Variants in SPRY4 observed in about 807,000 individuals in gnomAD.
The protein encoded by SPRY4 is sprouty RTK signaling antagonist 4.
A neutral mutation model predicts 17.0 loss-of-function variants in SPRY4; 7 were observed. The ratio of observed to expected loss-of-function variants is 0.41; its 90% CI spans 0.23 to 0.77. The LOEUF is 0.77. Among genes scored for constraint, SPRY4 ranks in the 30% least tolerant of loss-of-function variants. SPRY4 has a pLI of 0.32. For missense variants in SPRY4, 435 were observed against 419.9 expected, an observed-to-expected ratio of 1.04 and a Z score of -0.31; for synonymous variants, 183 against 174.1, an observed-to-expected ratio of 1.05 and a Z score of -0.40.
chr5:142,320,418 A>T (rs1433711951), intron 1 of SPRY4, among the ~76,000 whole-genome samples: 1 of 151,650 alleles, frequency 6.6e-6, no homozygotes, highest in Non-Finnish European at 1.5e-5. Flanking sequence ...GTTGTTTTTC[A>T]TCACTTCATC....
rs965391582 is a variant in SPRY4, at chr5:142,313,013, C to T, written c.*1196G>A. ...TTACATTAAAGATACAGACACATCACTATACACAAAAGGCTATGACAGTGA... is the reference window on the plus strand; with the variant it reads ...TTACATTAAAGATACAGACACATCATTATACACAAAAGGCTATGACAGTGA... On this transcript the variant is annotated 3_prime_UTR_variant, in exon 2 of 2. Transcript: ENST00000434127. 6.6e-6 allele frequency: 1 copy of T among 152,586 alleles called. No homozygotes were observed. Among genetic ancestry groups the T allele is most frequent in the African/African-American group, 2.4e-5 (1 of 41,428 alleles). The allele number at this position is 152,586 out of a possible 1,614,324, so 9.5% of individuals were successfully genotyped here.
intron 1 of SPRY4, chr5:142,319,669 G>T: frequency 1.3e-6 from 2 of 1,556,424 alleles, no homozygotes; most frequent in Non-Finnish European, 1.7e-6. Flanking sequence ...CCCAGAACAC[G>T]CGCAACACTG....
chr5:142,321,893 C>T (rs1759353889), intron 1 of SPRY4, among the ~76,000 whole-genome samples: 2 of 152,212 alleles, frequency 1.3e-5, no homozygotes, highest in Admixed American at 6.5e-5. Flanking sequence ...ACAAGACATT[C>T]AGCCCTGTAA....
chr5:142,317,387 C>T (rs1001870858), intron 1 of SPRY4: 22 of 985,254 alleles, frequency 2.2e-5, no homozygotes, highest in Admixed American at 1.2e-4. Flanking sequence ...AAAAATGCCA[C>T]GGATAAGATT....
At chr5:142,315,390 C>CATAT (rs1678009335) in intron 1 of SPRY4, 1 of 481,064 alleles carries the variant, frequency 2.1e-6, no homozygotes. Context: ...TCCTAAGCAC[C>CATAT]ATATGCATTA....
chr5:142,320,164 T>C (rs1017984650), intron 1 of SPRY4, among the ~76,000 whole-genome samples: 14 of 152,280 alleles, frequency 9.2e-5, no homozygotes, highest in African/African-American at 3.4e-4. Flanking sequence ...TAATGACTTA[T>C]TGCTTTAAAA....
intron 1 of SPRY4, chr5:142,319,681 A>C: frequency 6.3e-7 from 1 of 1,585,818 alleles, no homozygotes; most frequent in South Asian, 1.2e-5. Flanking sequence ...GCAACACTGT[A>C]TTTGCTGCTT....
At chr5:142,324,779 G>A (rs1312550353) in intron 1 of SPRY4, 65 bp downstream of exon 1, 2 of 152,908 alleles carry the variant, frequency 1.3e-5, no homozygotes, top group African/African-American at 2.4e-5. Flanking sequence ...CCCAGCCCAA[G>A]GGGGGAGTCG....
At chr5:142,323,416 C>CCA (rs1476909593) in intron 1 of SPRY4, among the ~76,000 whole-genome samples, 3 of 152,204 alleles carry the variant, frequency 2.0e-5, no homozygotes, top group African/African-American at 7.2e-5. Flanking sequence ...TTTGGGCACC[C>CCA]CACTGTACAC....
At chr5:142,320,290 T>C (rs991532034) in intron 1 of SPRY4, among the ~76,000 whole-genome samples, 5 of 152,042 alleles carry the variant, frequency 3.3e-5, no homozygotes, top group Admixed American at 2.6e-4. Flanking sequence ...AATAAAGCAT[T>C]TGGGCAGCTG....
Position 142,310,994 on chromosome 5 carries a change from G to A in SPRY4, c.*3215C>T, listed in dbSNP as rs1301793364. 2 of 152,352 alleles carry A rather than the reference G, an allele frequency of 1.3e-5. No homozygotes were observed. Among genetic ancestry groups the A allele is most frequent in the Non-Finnish European group, 1.5e-5 (1 of 68,104 alleles). The allele number at this position is 152,352 out of a possible 1,614,324, so 9.4% of individuals were successfully genotyped here. A position where few individuals can be genotyped will look rare whatever the true frequency, so the allele number is the denominator to read the frequency against. On this transcript the variant is annotated 3_prime_UTR_variant, in exon 2 of 2. Coordinates refer to ENST00000434127, the MANE Select transcript of SPRY4 (RefSeq NM_001127496.3). The stretch of plus-strand genomic sequence containing the variant: ...TGACAGTCATCCGGGTTCTGGTGCA[G>A]ATCAACTTTCCACGTGTGCCATCTT...
At chr5:142,315,459 A>G (rs1012008015) in intron 1 of SPRY4, 1 of 314,158 alleles carries the variant, frequency 3.2e-6, no homozygotes, top group African/African-American at 2.1e-5. Context: ...TTTTCTATTT[A>G]GAGAAAAGAC....
In SPRY4 at chr5:142,317,871, C is replaced by T. The variant is rs554090589; in HGVS notation, c.-47-2716G>A. ...TCAACATCTGGGCCTGCAGTTGAGG[C>T]CAGACATGGGGATGGGAGCTTGGCC... On this transcript the variant is annotated intron_variant, in intron 1 of 1. Transcript: ENST00000434127. 18 of 985,380 alleles carry T rather than the reference C, an allele frequency of 1.8e-5. No individual in the cohort carries two copies. The South Asian group carries it at 8.5e-4, about 46-fold the overall frequency. The allele number at this position is 985,380 out of a possible 1,614,324, so 61.0% of individuals were successfully genotyped here.
At chr5:142,319,593 G>T in intron 1 of SPRY4, 1 of 1,051,538 alleles carries the variant, frequency 9.5e-7, no homozygotes, top group Non-Finnish European at 1.3e-6. Flanking sequence ...GCCCAGGTCT[G>T]TGAGGAAGGG....
intron 1 of SPRY4, chr5:142,318,101 T>TGAC: frequency 1.0e-6 from 1 of 984,780 alleles, no homozygotes. Flanking sequence ...TTTATGTGGC[T>TGAC]GACAAAGGAA....
At chr5:142,321,849 G>C (rs934347443) in intron 1 of SPRY4, among the ~76,000 whole-genome samples, 1 of 152,128 alleles carries the variant, frequency 6.6e-6, no homozygotes, top group Non-Finnish European at 1.5e-5. Context: ...CACACTGTGG[G>C]GGCACAAATC....
At position 142,314,229 on chromosome 5, in the gene SPRY4, T is replaced by C; in HGVS notation, c.880A>G (p.Arg294Gly). 1 of 1,609,990 alleles carries C rather than the reference T, an allele frequency of 6.2e-7. No individual in the cohort carries two copies. Among genetic ancestry groups the C allele is most frequent in the Non-Finnish European group, 8.5e-7 (1 of 1,178,544 alleles). Residue 294 changes from arginine (R) to glycine (G), a missense_variant, in exon 2 of 2, where the codon AGG becomes GGG. By Grantham distance (125) the Arg-to-Gly change is moderately radical. Transcript: ENST00000434127. The surrounding 1 kb of genome is among the most constrained non-coding windows in gnomAD (Gnocchi z 4.8). ...AACTGTCAGAAAGGCTTGTCGGGCC[T>C]GCTGGTCTTGGCATCCCCGCTGGCT... ...KAASGDAKTS[R>G]PDKPF is the part of the protein sequence containing the mutation.
intron 1 of SPRY4, among the ~76,000 whole-genome samples, chr5:142,316,763 G>T (rs1047885565): frequency 6.6e-6 from 1 of 152,122 alleles, no homozygotes; most frequent in Non-Finnish European, 1.5e-5. Context: ...TAAAAAGGGG[G>T]CTATCCACGG....
At chr5:142,317,684 A>G (rs1489925445) in intron 1 of SPRY4, 1 of 985,154 alleles carries the variant, frequency 1.0e-6, no homozygotes, top group Non-Finnish European at 1.2e-6. Context: ...GATAAAGCAA[A>G]AGAAATGGGC....
Sources: allele counts gnomAD v4.1 joint callset (sites outside exome capture counted in the v4.1 genomes callset), GRCh38; gene constraint gnomAD v4.1.1; non-coding constraint Gnocchi (gnomAD v3.1); transcripts MANE v1.5; gene names NCBI Gene and HGNC (gene_info 2026-07-23, HGNC 2026-07-21).